Variants in GRIN2A observed in about 807,000 individuals in gnomAD.
The protein encoded by GRIN2A is glutamate receptor ionotropic, NMDA 2A.
Under a neutral mutation model 113.4 loss-of-function variants are expected in GRIN2A, and 22 were observed. The ratio of observed to expected loss-of-function variants is 0.19; its 90% CI spans 0.14 to 0.28. The LOEUF is 0.28. GRIN2A is among the 10% of genes least tolerant of loss of function. The probability of loss-of-function intolerance (pLI) is 1.00; values close to 1 mark genes in which losing one functional copy is unlikely to be tolerated. For synonymous variants in GRIN2A, 827 were observed against 738.4 expected, an observed-to-expected ratio of 1.12 and a Z score of -1.94; for missense variants, 1,502 against 1,887.0, an observed-to-expected ratio of 0.80 and a Z score of 3.78.
intron 2 of GRIN2A, among the ~76,000 whole-genome samples, chr16:10,108,988 T>G (rs1033275651): frequency 3.4e-4 from 32 of 94,608 alleles, no homozygotes; most frequent in Admixed American, 2.7e-3. Context: ...CAGAGAAAAC[T>G]AATGAAACCC....
chr16:10,028,064 C>T (rs2046855460), intron 2 of GRIN2A, among the ~76,000 whole-genome samples: 1 of 152,286 alleles, frequency 6.6e-6, no homozygotes, highest in South Asian at 2.1e-4. Context: ...TTTGTCTAGT[C>T]ACTGAAAATG....
chr16:9,945,726 A>T (rs1039657614), intron 2 of GRIN2A, among the ~76,000 whole-genome samples: 10 of 152,164 alleles, frequency 6.6e-5, no homozygotes. Flanking sequence ...TCATACATAG[A>T]GGGGTTGCTG....
At chr16:9,879,467 T>C (rs990982116) in intron 4 of GRIN2A, among the ~76,000 whole-genome samples, 1 of 152,174 alleles carries the variant, frequency 6.6e-6, no homozygotes, top group Admixed American at 6.5e-5. Context: ...AGAGAATCAG[T>C]GCAGCCAATG....
intron 2 of GRIN2A, among the ~76,000 whole-genome samples, chr16:10,144,766 C>T (rs1204428200): frequency 6.6e-6 from 1 of 151,628 alleles, no homozygotes; most frequent in Non-Finnish European, 1.5e-5. Context: ...ACTAAAAGTG[C>T]AAAAATGAGC....
rs145723972 is a variant in GRIN2A, at chr16:10,139,101, G to A, written c.414+40897C>T. ...ACCGGATGGAGACAGCACGGATCAA[G>A]CCAAGTAAAAATTGAGAGCATGAAA... On this transcript the variant is annotated intron_variant, in intron 2 of 12. Transcript: ENST00000330684. 4.1e-4 allele frequency among the ~76,000 whole-genome samples: 63 copies of A among 152,326 alleles called. 1 individual carries two copies. In the East Asian group the frequency reaches 0.011, roughly 27 times the overall value.
At chr16:9,856,938 G>C (rs1487595259) in intron 4 of GRIN2A, among the ~76,000 whole-genome samples, 2 of 152,008 alleles carry the variant, frequency 1.3e-5, no homozygotes, top group Non-Finnish European at 2.9e-5. Context: ...TGTGATGTCA[G>C]CTCAATGGTC....
intron 2 of GRIN2A, among the ~76,000 whole-genome samples, chr16:10,047,134 T>C (rs559571529): frequency 2.6e-5 from 4 of 152,342 alleles, no homozygotes; most frequent in Non-Finnish European, 5.9e-5. Flanking sequence ...TTGAAAACCA[T>C]TGGTGTACAC....
At chr16:10,086,187 G>A (rs918586782) in intron 2 of GRIN2A, among the ~76,000 whole-genome samples, 1 of 152,048 alleles carries the variant, frequency 6.6e-6, no homozygotes, top group African/African-American at 2.4e-5. Context: ...TCCTTCCCAT[G>A]GAGACTCACA....
At chr16:10,179,185 A>T (rs149609904) in intron 2 of GRIN2A, among the ~76,000 whole-genome samples, 1 of 152,186 alleles carries the variant, frequency 6.6e-6, no homozygotes, top group Non-Finnish European at 1.5e-5. Context: ...GAGCCAACTG[A>T]TTTTTGTACA....
rs2044704394 is a variant in GRIN2A at position 9,935,910 on chromosome 16, C to T, written c.1007+2049G>A. Among the ~76,000 whole-genome samples the T allele has an allele frequency of 2.6e-5, 4 of 152,150 alleles. No individual in the cohort carries two copies. In the South Asian group the frequency reaches 8.3e-4, roughly 32 times the overall value. On this transcript the variant is annotated intron_variant, in intron 3 of 12. Transcript: ENST00000330684. ...ATAGACAGGGTTTCACCATGTTGAC[C>T]AGGCTGGTCTCAAACTCCTGGCCTC...
chr16:9,805,720 G>C (rs553555662), intron 10 of GRIN2A: 1 of 152,372 alleles, frequency 6.6e-6, no homozygotes, highest in South Asian at 2.1e-4. Context: ...TGTTTTGCTT[G>C]TAATTGCAGA....
intron 2 of GRIN2A, among the ~76,000 whole-genome samples, chr16:10,143,802 T>A (rs1624958): frequency 0.95 from 143,674 of 151,760 alleles, 68,383 homozygotes; most frequent in East Asian, 1. Context: ...CCATCTCTAC[T>A]AAAAAACACA....
At chr16:9,775,967 A>G (rs1031117784) in intron 11 of GRIN2A, among the ~76,000 whole-genome samples, 1 of 152,168 alleles carries the variant, frequency 6.6e-6, no homozygotes, top group African/African-American at 2.4e-5. Context: ...CACAGTCACT[A>G]TTAGAGTCCT....
At chr16:9,896,558 G>T (rs1452152444) in intron 3 of GRIN2A, among the ~76,000 whole-genome samples, 1 of 152,154 alleles carries the variant, frequency 6.6e-6, no homozygotes, top group African/African-American at 2.4e-5. Flanking sequence ...TAACTATGCA[G>T]AAATCCTCAT....
chr16:10,059,268 G>A (rs1339317710), intron 2 of GRIN2A, among the ~76,000 whole-genome samples: 1 of 152,020 alleles, frequency 6.6e-6, no homozygotes, highest in Non-Finnish European at 1.5e-5. Flanking sequence ...GGGAATAACA[G>A]ATCTACATTA....
chr16:9,920,987 G>C (rs989202204), intron 3 of GRIN2A, among the ~76,000 whole-genome samples: 1 of 152,116 alleles, frequency 6.6e-6, no homozygotes, highest in Non-Finnish European at 1.5e-5. Context: ...GAGTTAATAT[G>C]TATGGGTCCT....
Position 9,784,441 on chromosome 16 carries a change from C to CAAA in GRIN2A, c.2356+13833_2356+13835dup, listed in dbSNP as rs71400493. Among the ~76,000 whole-genome samples the CAAA allele has an allele frequency of 5.4e-4, 69 of 126,664 alleles. 1 individual carries two copies. The highest frequency in any genetic ancestry group is 8.0e-4 in the African/African-American group (26 of 32,616). The allele number at this position is 126,664 out of a possible 152,430, so 83.1% of individuals were successfully genotyped here. A position where few individuals can be genotyped will look rare whatever the true frequency, so the allele number is the denominator to read the frequency against. Reference sequence around the variant, plus strand: ...GCAAAACTCTAACAACAACAACAACCAAAAAAAAAAAACAAACAAACAAAA... The same window carrying CAAA: ...GCAAAACTCTAACAACAACAACAACCAAAAAAAAAAAAAAACAAACAAACAAAA... On this transcript the variant is annotated intron_variant, in intron 11 of 12. Transcript: ENST00000330684.
At chr16:10,174,388 C>G (rs1362749980) in intron 2 of GRIN2A, among the ~76,000 whole-genome samples, 1 of 152,180 alleles carries the variant, frequency 6.6e-6, no homozygotes, top group African/African-American at 2.4e-5. Flanking sequence ...CTCACAGATA[C>G]AGGGCATAAG....
chr16:10,053,037 G>C (rs2047385626), intron 2 of GRIN2A, among the ~76,000 whole-genome samples: 3 of 131,494 alleles, frequency 2.3e-5, no homozygotes, highest in Non-Finnish European at 4.8e-5. Flanking sequence ...AACAGAGCAA[G>C]ACTCCATCTC....
Sources: allele counts gnomAD v4.1 joint callset (sites outside exome capture counted in the v4.1 genomes callset), GRCh38; gene constraint gnomAD v4.1.1; transcripts MANE v1.5; gene names NCBI Gene and HGNC (gene_info 2026-07-23, HGNC 2026-07-21).